Variants in ZNF583 observed in about 807,000 individuals in gnomAD.
ZNF583 encodes zinc finger protein L3-5.
In ZNF583, 30 loss-of-function variants were observed where a neutral mutation model predicts 55.3. The ratio of observed to expected loss-of-function variants is 0.54; its 90% CI spans 0.41 to 0.74. The LOEUF (loss-of-function observed/expected upper bound fraction) is 0.74. Among genes scored for constraint, ZNF583 ranks in the 30% least tolerant of loss-of-function variants. The pLI, the probability that ZNF583 is intolerant of heterozygous loss-of-function variation, is 0.00. For synonymous variants in ZNF583, 208 were observed against 220.0 expected (o/e 0.95, Z 0.48); for missense variants, 504 against 664.7 (o/e 0.76, Z 2.66).
chr19:56,417,132 TATAA>T (rs949234928), intron 4 of ZNF583, among the ~76,000 whole-genome samples: 2 of 152,226 alleles, frequency 1.3e-5, no homozygotes, highest in Non-Finnish European at 2.9e-5. Context: ...TTGGGGCTAT[TATAA>T]ATAAAGTTGC....
At position 56,426,249 on chromosome 19, in the gene ZNF583, A is replaced by G. The variant is rs1468562931; in HGVS notation, c.*1881A>G. The G allele has an allele frequency of 6.6e-6, 1 of 152,184 alleles. No individual in the cohort carries two copies. Among genetic ancestry groups the G allele is most frequent in the African/African-American group, 2.4e-5 (1 of 41,428 alleles). 9.4% of individuals were successfully genotyped at this position (152,184 alleles called of 1,614,324 possible). On this transcript the variant is annotated 3_prime_UTR_variant, in exon 5 of 5. Transcript: ENST00000333201. ...TCAGTGGTTTAACAGTTTTGGAAAAATTTATCGTGCTCTATACAACAATTC... is the reference window on the plus strand; with the variant it reads ...TCAGTGGTTTAACAGTTTTGGAAAAGTTTATCGTGCTCTATACAACAATTC...
chr19:56,424,181 C>T lies in ZNF583; in HGVS notation c.1523C>T (p.Thr508Ile). 6.2e-7 allele frequency: 1 copy of T among 1,611,914 alleles called. No homozygotes were observed. The highest frequency in any genetic ancestry group is 8.5e-7 in the Non-Finnish European group (1 of 1,178,472). ...GCATTTAGCTATAGTGGATCTCTTA[C>T]TCTACATCAGAGAATTCATACTGGA... Reference protein sequence around the residue: ...GKAFSYSGSLTLHQRIHTGER... With the variant: ...GKAFSYSGSLILHQRIHTGER... The change falls in exon 5 of 5, where the codon ACT becomes ATT. Residue 508 changes from threonine (T) to isoleucine (I), a missense_variant. Physicochemically the swap from Thr to Ile is moderately conservative, Grantham distance 89. Transcript: ENST00000333201.
intron 2 of ZNF583, among the ~76,000 whole-genome samples, chr19:56,412,320 G>C (rs542945425): frequency 6.6e-6 from 1 of 152,202 alleles, no homozygotes; most frequent in Non-Finnish European, 1.5e-5. Context: ...TAAGTCTTGA[G>C]CTGATTTATC....
At chr19:56,404,206 G>C (rs1035357922), upstream of ZNF583, 1 of 152,556 alleles carries the variant, frequency 6.6e-6, no homozygotes, top group African/African-American at 2.4e-5. The surrounding 1 kb of genome is among the most constrained non-coding windows in gnomAD (Gnocchi z 5.2). Flanking sequence ...AAGGGGCGCA[G>C]CAGTAACTAC....
rs2042116981 is a variant in ZNF583 at position 56,404,673 on chromosome 19, G to T, written c.-90+221G>T. Among the ~76,000 whole-genome samples, 1 of 152,208 alleles carries T rather than the reference G, an allele frequency of 6.6e-6. No individual in the cohort carries two copies. Among genetic ancestry groups the T allele is most frequent in the African/African-American group, 2.4e-5 (1 of 41,454 alleles). On this transcript the variant is annotated intron_variant, in intron 1 of 4. Transcript: ENST00000333201. The surrounding 1 kb of genome is among the most constrained non-coding windows in gnomAD (Gnocchi z 5.2). ...AGGCCGTGTGTGAATATGTGTGTCA[G>T]TGTGAGACCATGTGGGACAAATGTG...
intron 1 of ZNF583, among the ~76,000 whole-genome samples, chr19:56,405,784 T>C (rs2042137655): frequency 6.6e-6 from 1 of 152,182 alleles, no homozygotes; most frequent in Admixed American, 6.5e-5. Flanking sequence ...CAATGCTTTA[T>C]GTAGATCATT....
rs117178540 is a variant in ZNF583, at chr19:56,410,877, G to A, written c.10-3082G>A. On this transcript the variant is annotated intron_variant, in intron 2 of 4. Coordinates refer to ENST00000333201, the MANE Select transcript of ZNF583 (RefSeq NM_152478.3). ...ATCATAGACATTAGTATAAGGAACC[G>A]TTTGAGCAGATTATACTAACTATAA... is the stretch of plus-strand genomic sequence containing the variant. 2.2e-3 allele frequency among the ~76,000 whole-genome samples: 334 copies of A among 152,222 alleles called. 2 individuals are homozygous for A. Among genetic ancestry groups the A allele is most frequent in the Middle Eastern group, 0.014 (4 of 294 alleles).
intron 1 of ZNF583, among the ~76,000 whole-genome samples, chr19:56,406,491 T>G (rs2042150325): frequency 6.6e-6 from 1 of 151,234 alleles, no homozygotes; most frequent in African/African-American, 2.4e-5. Flanking sequence ...AAATTATAAA[T>G]GGGGAGGTAA....
At chr19:56,410,270 G>A (rs1254430804) in intron 2 of ZNF583, among the ~76,000 whole-genome samples, 1 of 151,996 alleles carries the variant, frequency 6.6e-6, no homozygotes, top group Non-Finnish European at 1.5e-5. Flanking sequence ...ATCGTTGCTG[G>A]GTCAAAATAG....
chr19:56,408,472 G>A (rs1222518019), intron 2 of ZNF583, among the ~76,000 whole-genome samples: 1 of 152,200 alleles, frequency 6.6e-6, no homozygotes, highest in Non-Finnish European at 1.5e-5. Context: ...GCCGTATGTA[G>A]CTAGTAGCTA....
intron 2 of ZNF583, 136 bp from the exon 3 acceptor site, chr19:56,413,823 G>GA: frequency 8.4e-7 from 1 of 1,187,724 alleles, no homozygotes; most frequent in Non-Finnish European, 1.2e-6. Flanking sequence ...GTGTTGCTCA[G>GA]AACCTAAGAT....
Position 56,424,064 on chromosome 19 carries a change from G to T in ZNF583, c.1406G>T (p.Cys469Phe). ...GAAAAACCCTATATGTGTAAGGAAT[G>T]TAGGAAAACATTTAGCCAGAATGCA... Reference protein sequence around the residue: ...TGEKPYMCKECRKTFSQNAGL... With the variant: ...TGEKPYMCKEFRKTFSQNAGL... Residue 469 changes from cysteine to phenylalanine, a missense_variant, in exon 5 of 5, where the codon TGT becomes TTT. Coordinates refer to ENST00000333201, the MANE Select transcript of ZNF583 (RefSeq NM_152478.3). The T allele has an allele frequency of 6.2e-7, 1 of 1,614,058 alleles. No homozygotes were observed. The highest frequency in any genetic ancestry group is 8.5e-7 in the Non-Finnish European group (1 of 1,180,000).
chr19:56,423,091 A>G lies in ZNF583; in HGVS notation c.433A>G (p.Thr145Ala), dbSNP rs1304288542. The stretch of plus-strand genomic sequence containing the variant: ...GGTACATCTTAGTCAATTAATCATC[A>G]CTCATAAAGAAATCCTTCCAGAAGT... ...QEVHLSQLII[T>A]HKEILPEVQN... The change falls in exon 5 of 5, where the codon ACT becomes GCT. Residue 145 changes from threonine to alanine, a missense_variant. By Grantham distance (58) the Thr-to-Ala change is moderately conservative. Transcript: ENST00000333201. 9 of 1,611,972 alleles carry G rather than the reference A, an allele frequency of 5.6e-6. No homozygotes were observed.
intron 4 of ZNF583, chr19:56,421,344 T>G: frequency 5.0e-6 from 2 of 399,694 alleles, no homozygotes; most frequent in African/African-American, 2.2e-5. Flanking sequence ...TGGGTTTAAT[T>G]AGATCATTGC....
intron 4 of ZNF583, among the ~76,000 whole-genome samples, chr19:56,418,728 C>A (rs1172044912): frequency 6.6e-6 from 1 of 151,048 alleles, no homozygotes; most frequent in Non-Finnish European, 1.5e-5. Flanking sequence ...TTTTTTCCTT[C>A]TGATCCTTAT....
At chr19:56,419,321 G>A (rs947048868) in intron 4 of ZNF583, among the ~76,000 whole-genome samples, 6 of 150,704 alleles carry the variant, frequency 4.0e-5, no homozygotes, top group African/African-American at 9.8e-5. Context: ...TCAGCCTCCC[G>A]AGTAGCTAGG....
intron 4 of ZNF583, among the ~76,000 whole-genome samples, chr19:56,417,487 TCAAA>T (rs1435420054): frequency 2.0e-5 from 3 of 152,248 alleles, no homozygotes; most frequent in Admixed American, 6.5e-5. Context: ...AAAACTTTGT[TCAAA>T]CATTTTTCCC....
intron 2 of ZNF583, among the ~76,000 whole-genome samples, chr19:56,408,079 G>C (rs979416429): frequency 2.0e-5 from 3 of 152,060 alleles, no homozygotes; most frequent in African/African-American, 7.2e-5. Flanking sequence ...AGAATTTAAT[G>C]TATACTAGTT....
At chr19:56,411,422 A>G (rs997915121) in intron 2 of ZNF583, among the ~76,000 whole-genome samples, 5 of 152,252 alleles carry the variant, frequency 3.3e-5, no homozygotes, top group Non-Finnish European at 7.3e-5. Flanking sequence ...AAAAATGTAC[A>G]AGGTATTCAT....
Sources: gnomAD v4.1 joint callset for allele counts (sites outside exome capture counted in the v4.1 genomes callset) on GRCh38, gnomAD v4.1.1 for gene constraint, Gnocchi (gnomAD v3.1) non-coding constraint, MANE v1.5 for transcripts, NCBI Gene and HGNC (gene_info 2026-07-23, HGNC 2026-07-21) for gene names.